RBM46: variants seen among roughly 807,000 people sequenced by gnomAD.
The protein encoded by RBM46 is RNA binding motif protein 46.
A neutral mutation model predicts 43.3 loss-of-function variants in RBM46; 12 were observed. The ratio of observed to expected loss-of-function variants is 0.28; its 90% CI spans 0.18 to 0.45. RBM46 has a LOEUF of 0.45. Ranked by LOEUF, RBM46 falls within the 20% of genes least tolerant of loss-of-function variation. The pLI, the probability that RBM46 is intolerant of heterozygous loss-of-function variation, is 1.00. For missense variants in RBM46, 412 were observed against 639.1 expected (o/e 0.64, Z 3.83); for synonymous variants, 205 against 207.6 (o/e 0.99, Z 0.11).
At chr4:154,803,926 T>A (rs1426947309) in intron 4 of RBM46, among the ~76,000 whole-genome samples, 3 of 151,950 alleles carry the variant, frequency 2.0e-5, no homozygotes, top group Admixed American at 1.3e-4. Flanking sequence ...TCATGAATGG[T>A]TTAGCACCAT....
At position 154,784,996 on chromosome 4, in the gene RBM46, T is replaced by C. The variant is rs75190691; in HGVS notation, c.-12+3560T>C. 1.2e-3 allele frequency among the ~76,000 whole-genome samples: 184 copies of C among 152,360 alleles called. 1 individual carries two copies. The East Asian group carries it at 0.031, about 26-fold the overall frequency. On this transcript the variant is annotated intron_variant, in intron 1 of 4. Coordinates refer to ENST00000281722, the MANE Select transcript of RBM46 (RefSeq NM_144979.5). ...TTTTGCCTCTTTTAGAAATAAACTT[T>C]TGTTAAATTAATATGTTAAAGTTAG...
At chr4:154,805,743 G>C (rs951806251) in intron 4 of RBM46, among the ~76,000 whole-genome samples, 13 of 151,742 alleles carry the variant, frequency 8.6e-5, no homozygotes, top group African/African-American at 2.7e-4. Flanking sequence ...CCATTGCTTT[G>C]AAATAAAGAG....
chr4:154,815,127 G>A (rs1188382126), intron 4 of RBM46, among the ~76,000 whole-genome samples: 1 of 151,952 alleles, frequency 6.6e-6, no homozygotes, highest in African/African-American at 2.4e-5. Flanking sequence ...CATTATGTTT[G>A]TGGATTGATT....
intron 2 of RBM46, among the ~76,000 whole-genome samples, chr4:154,797,502 C>G (rs970788111): frequency 5.3e-5 from 8 of 152,116 alleles, no homozygotes; most frequent in Admixed American, 1.3e-4. Flanking sequence ...TGCCCTTTTC[C>G]CAGATAATCC....
intron 1 of RBM46, among the ~76,000 whole-genome samples, chr4:154,793,518 C>T (rs763522332): frequency 1.3e-5 from 2 of 152,034 alleles, no homozygotes; most frequent in Non-Finnish European, 2.9e-5. Context: ...GTTGGGCTTC[C>T]CAGCAGATAA....
At chr4:154,804,770 A>G (rs1363975295) in intron 4 of RBM46, among the ~76,000 whole-genome samples, 1 of 148,478 alleles carries the variant, frequency 6.7e-6, no homozygotes, top group Non-Finnish European at 1.5e-5. Flanking sequence ...ATTTAATTTC[A>G]TCAGATTTGT....
intron 2 of RBM46, 133 bp downstream of exon 2, chr4:154,797,036 TGAG>T: frequency 1.6e-6 from 1 of 618,444 alleles, no homozygotes; most frequent in Non-Finnish European, 2.6e-6. Context: ...TTTTTACTGT[TGAG>T]GAGAGTTAAA....
chr4:154,801,769 G>A (rs1734649809), intron 4 of RBM46, among the ~76,000 whole-genome samples: 2 of 152,140 alleles, frequency 1.3e-5, no homozygotes, highest in Admixed American at 1.3e-4. Flanking sequence ...ATTCTATATG[G>A]AAGCAGAGCT....
At chr4:154,790,029 A>G (rs941329352) in intron 1 of RBM46, among the ~76,000 whole-genome samples, 2 of 152,092 alleles carry the variant, frequency 1.3e-5, no homozygotes, top group Admixed American at 6.5e-5. Context: ...TATCCCCTTT[A>G]TCATTTTTTA....
intron 4 of RBM46, among the ~76,000 whole-genome samples, chr4:154,815,593 C>T (rs35110321): frequency 0.22 from 34,023 of 151,656 alleles, 4,251 homozygotes; most frequent in Middle Eastern, 0.3. Context: ...TAGGGCATTA[C>T]GCTATTGTAT....
chr4:154,826,918 C>G, intron 4 of RBM46: 2 of 1,347,418 alleles, frequency 1.5e-6, no homozygotes, highest in East Asian at 5.6e-5. Flanking sequence ...AAAAACCTTA[C>G]CTGTACATTA....
rs886090459 is a variant in RBM46 at position 154,799,415 on chromosome 4, C to G, written c.1253C>G (p.Thr418Arg). 6.2e-7 allele frequency: 1 copy of G among 1,614,070 alleles called. No individual in the cohort carries two copies. Among genetic ancestry groups the G allele is most frequent in the East Asian group, 2.2e-5 (1 of 44,880 alleles). ...APPEYYLYST[T>R]SQDGKVLLVY... ...CCAGAATATTATTTATATTCAACAA[C>G]AAGTCAAGATGGGAAAGTACTCTTG... Residue 418 changes from threonine to arginine, a missense_variant, in exon 4 of 5, where the codon ACA becomes AGA. Thr to Arg is a moderately conservative substitution (Grantham distance 71). Around this residue, in one of 8 missense-constraint regions of RBM46, gnomAD observed 149 missense variants for 156.3 expected, o/e 0.95. Coordinates refer to ENST00000281722, the MANE Select transcript of RBM46 (RefSeq NM_144979.5).
In RBM46 at chr4:154,828,622, A is replaced by AT. The variant is rs1202049805; in HGVS notation, c.*560dup. On this transcript the variant is annotated 3_prime_UTR_variant, in exon 5 of 5. Coordinates refer to ENST00000281722, the MANE Select transcript of RBM46 (RefSeq NM_144979.5). ...GTGGTCCTTGAAAATAACTATAGAT[A>AT]TTTTTGTTATTTGTTAGACACAAAT... is the stretch of plus-strand genomic sequence containing the variant. 2.0e-5 allele frequency: 3 copies of AT among 152,600 alleles called. No individual in the cohort carries two copies. Among genetic ancestry groups the AT allele is most frequent in the Admixed American group, 2.0e-4 (3 of 15,266 alleles). 9.5% of individuals were successfully genotyped at this position (152,600 alleles called of 1,614,324 possible). A position where few individuals can be genotyped will look rare whatever the true frequency, so the allele number is the denominator to read the frequency against.
chr4:154,823,669 A>G lies in RBM46; in HGVS notation c.1403-4199A>G, dbSNP rs868043151. ...AAAACAAGAAATACATTGAAGCAATATATCTATCCACTGTTCACATTTTCA... is the reference window on the plus strand; with the variant it reads ...AAAACAAGAAATACATTGAAGCAATGTATCTATCCACTGTTCACATTTTCA... On this transcript the variant is annotated intron_variant, in intron 4 of 4. Transcript: ENST00000281722. 2.2e-4 allele frequency among the ~76,000 whole-genome samples: 34 copies of G among 152,014 alleles called. 1 individual carries two copies. Among genetic ancestry groups the G allele is most frequent in the African/African-American group, 7.2e-4 (30 of 41,444 alleles).
At chr4:154,805,885 A>T (rs1734882166) in intron 4 of RBM46, among the ~76,000 whole-genome samples, 1 of 151,872 alleles carries the variant, frequency 6.6e-6, no homozygotes, top group Admixed American at 6.6e-5. Flanking sequence ...ACTTTTCAGA[A>T]TTTTTTTCCA....
At chr4:154,795,120 A>G (rs1734286808) in intron 1 of RBM46, among the ~76,000 whole-genome samples, 1 of 152,204 alleles carries the variant, frequency 6.6e-6, no homozygotes, top group Non-Finnish European at 1.5e-5. Flanking sequence ...AATAGGAAAT[A>G]CATGTATAGT....
intron 1 of RBM46, among the ~76,000 whole-genome samples, chr4:154,783,493 A>G (rs1402644294): frequency 6.6e-6 from 1 of 152,192 alleles, no homozygotes; most frequent in Non-Finnish European, 1.5e-5. Context: ...GCCGAATGTT[A>G]TTTCTCATTT....
At chr4:154,809,329 A>G (rs1019573186) in intron 4 of RBM46, among the ~76,000 whole-genome samples, 5 of 152,046 alleles carry the variant, frequency 3.3e-5, no homozygotes, top group Non-Finnish European at 7.4e-5. Context: ...ATGATATCAG[A>G]TGCTCTCATT....
rs1734375892 is a variant in RBM46, at chr4:154,796,806, T to A, written c.54T>A (p.Gly18=). The change falls in exon 2 of 5, where the codon GGT becomes GGA. Residue 18 remains glycine (G), a synonymous_variant. Transcript: ENST00000281722. ...GTNGCSKVRT[G]IQNEAALLAL... is the part of the protein sequence containing the mutation. ...ATGGATGCAGTAAAGTTCGAACTGG[T>A]ATTCAGAATGAAGCAGCATTACTTG... is the stretch of plus-strand genomic sequence containing the variant. 6 of 1,613,552 alleles carry A rather than the reference T, an allele frequency of 3.7e-6. No homozygotes were observed. The highest frequency in any genetic ancestry group is 5.1e-6 in the Non-Finnish European group (6 of 1,179,558).
Sources: gnomAD v4.1 joint callset for allele counts (sites outside exome capture counted in the v4.1 genomes callset) on GRCh38, gnomAD v4.1.1 for gene constraint, gnomAD v4.1.1 regional missense constraint, MANE v1.5 for transcripts, NCBI Gene and HGNC (gene_info 2026-07-23, HGNC 2026-07-21) for gene names.